The following FBL variants were observed in gnomAD, a reference collection of about 807,000 sequenced individuals.
FBL encodes fibrillarin rRNA 2'-O-methyltransferase.
In FBL, 10 loss-of-function variants were observed where a neutral mutation model predicts 42.2. That is an observed-to-expected ratio of 0.24 (90% CI 0.15 to 0.40). FBL has a LOEUF of 0.40. Among genes scored for constraint, FBL ranks in the 10% least tolerant of loss-of-function variants. FBL has a pLI of 1.00. For synonymous variants in FBL, 165 were observed against 165.4 expected (o/e 1.00, Z 0.02); for missense variants, 351 against 439.2 (o/e 0.80, Z 1.79).
chr19:39,840,650 C>G lies in FBL; in HGVS notation c.148G>C (p.Gly50Arg). 1 of 1,611,912 alleles carries G rather than the reference C, an allele frequency of 6.2e-7. No individual in the cohort carries two copies. ...CCTCCTCCTCCACCGCCGCCGCCGC[C>G]TCCACCTCCTCCTCGTCCACGACCT... is the stretch of plus-strand genomic sequence containing the variant. ...FRGRGRGGGG[G>R]GGGGGGGGRG... is the part of the protein sequence containing the mutation. Residue 50 changes from glycine to arginine, a missense_variant, in exon 2 of 9, where the codon GGC becomes CGC. Physicochemically the swap from Gly to Arg is moderately radical, Grantham distance 125. Coordinates refer to ENST00000221801, the MANE Select transcript of FBL (RefSeq NM_001436.4). This position sits in a 1 kb window ranked among gnomAD's most constrained non-coding sequence, Gnocchi z 4.5.
Position 39,834,539 on chromosome 19 carries a change from C to A in FBL, c.965G>T (p.Ter322LeuextTer22). The change falls in exon 9 of 9, where the codon TGA (stop) becomes TTA (leucine). Residue 322 changes from the stop codon to leucine (L), a stop_lost. Transcript: ENST00000221801. ...VYRPPPKVKN[*>L] ...TCGCAATCCTGACAGCGCTGAACTT[C>A]AGTTCTTCACCTTGGGGGGTGGCCT... is the stretch of plus-strand genomic sequence containing the variant. The A allele has an allele frequency of 6.2e-7, 1 of 1,614,166 alleles. No individual in the cohort carries two copies. The highest frequency in any genetic ancestry group is 8.5e-7 in the Non-Finnish European group (1 of 1,180,030).
intron 1 of FBL, among the ~76,000 whole-genome samples, chr19:39,844,086 TAACTA>T (rs1279345552): frequency 6.6e-6 from 1 of 152,178 alleles, no homozygotes; most frequent in African/African-American, 2.4e-5. Context: ...CTCTAGAACA[TAACTA>T]AGAGTTGTTC....
rs960425386 is a variant in FBL, at chr19:39,839,089, G to A, written c.495C>T (p.Tyr165=). The change falls in exon 5 of 9, where the codon TAC becomes TAT. Residue 165 remains tyrosine (Y), a synonymous_variant. Coordinates refer to ENST00000221801, the MANE Select transcript of FBL (RefSeq NM_001436.4). ...CCGTGGTGCCCGAGGCAGCCCCGAGGTAGAGAACCTTAGCCCCCGGTTTGA... is the reference window on the plus strand; with the variant it reads ...CCGTGGTGCCCGAGGCAGCCCCGAGATAGAGAACCTTAGCCCCCGGTTTGA... ...IHIKPGAKVL[Y]LGAASGTTVS... is the part of the protein sequence containing the mutation. The A allele has an allele frequency of 6.2e-7, 1 of 1,614,174 alleles. No individual in the cohort carries two copies. Among genetic ancestry groups the A allele is most frequent in the Non-Finnish European group, 8.5e-7 (1 of 1,180,014 alleles).
Position 39,840,088 on chromosome 19 carries a change from C to T in FBL, c.378+145G>A, listed in dbSNP as rs1276745259. The T allele has an allele frequency of 2.2e-5, 14 of 642,276 alleles. No homozygotes were observed. The highest frequency in any genetic ancestry group is 3.6e-5 in the African/African-American group (2 of 55,004). 39.8% of individuals were successfully genotyped at this position (642,276 alleles called of 1,614,324 possible). ...GAAGGCCGTGGGGAGTCACAGAAGG[C>T]GGATGAGGGAGCAGACAGTGTGGTT... On this transcript the variant is annotated intron_variant, in intron 4 of 8. Transcript: ENST00000221801. This position sits in a 1 kb window ranked among gnomAD's most constrained non-coding sequence, Gnocchi z 4.5.
chr19:39,839,908 C>A (rs1425807021), intron 4 of FBL, among the ~76,000 whole-genome samples: 1 of 152,024 alleles, frequency 6.6e-6, no homozygotes, highest in Non-Finnish European at 1.5e-5. Flanking sequence ...AGGACGCAGC[C>A]TCCCACAGAG....
Position 39,840,775 on chromosome 19 carries a change from C to T in FBL, c.23G>A (p.Arg8His), listed in dbSNP as rs752451163. Residue 8 changes from arginine to histidine, a missense_variant, in exon 2 of 9, where the codon CGT becomes CAT. By Grantham distance (29) the Arg-to-His change is conservative. Coordinates refer to ENST00000221801, the MANE Select transcript of FBL (RefSeq NM_001436.4). This position sits in a 1 kb window ranked among gnomAD's most constrained non-coding sequence, Gnocchi z 4.5. The part of the protein sequence containing the change: MKPGFSP[R>H]GGGFGGRGGF... ...CCCTCGGCCGCCAAAGCCACCCCCA[C>T]GGGGACTGAATCCTGTGGGGGAAAC... The T allele has an allele frequency of 6.0e-5, 94 of 1,558,614 alleles. No homozygotes were observed. Among genetic ancestry groups the T allele is most frequent in the Middle Eastern group, 1.7e-4 (1 of 5,934 alleles).
At chr19:39,834,600 G>C in intron 8 of FBL, 38 bp from the exon 9 acceptor site, 8 of 1,614,142 alleles carry the variant, frequency 5.0e-6, no homozygotes, top group Non-Finnish European at 6.8e-6. Flanking sequence ...AGGGTCCCCA[G>C]GATCATGGCA....
chr19:39,840,487 C>G lies in FBL; in HGVS notation c.210G>C (p.Arg70=). 1 of 1,614,156 alleles carries G rather than the reference C, an allele frequency of 6.2e-7. No homozygotes were observed. The highest frequency in any genetic ancestry group is 2.2e-5 in the East Asian group (1 of 44,886). The change falls in exon 3 of 9, where the codon CGG becomes CGC. Residue 70 remains arginine (R), a synonymous_variant. Coordinates refer to ENST00000221801, the MANE Select transcript of FBL (RefSeq NM_001436.4). The surrounding 1 kb of genome is among the most constrained non-coding windows in gnomAD (Gnocchi z 4.5). ...GGGGFHSGGN[R]GRGRGGKRGN... Reference sequence around the variant, plus strand: ...CTCTTTTTCCTCCCCGACCACGACCCCGGTTGCCACCAGAATGGAAGCCTC... The same window carrying G: ...CTCTTTTTCCTCCCCGACCACGACCGCGGTTGCCACCAGAATGGAAGCCTC...
intron 7 of FBL, among the ~76,000 whole-genome samples, chr19:39,835,356 TA>T (rs1278776488): frequency 6.6e-6 from 1 of 151,878 alleles, no homozygotes; most frequent in Non-Finnish European, 1.5e-5. Flanking sequence ...CTATCTCTAC[TA>T]AAAATACAAA....
chr19:39,845,653 C>G (rs1385488830), intron 1 of FBL, among the ~76,000 whole-genome samples: 1 of 152,196 alleles, frequency 6.6e-6, no homozygotes, highest in East Asian at 1.9e-4. Context: ...CTTGTTAAGT[C>G]TCGTCCCGGA....
intron 7 of FBL, 93 bp downstream of exon 7, chr19:39,836,463 C>G (rs73930654): frequency 1.3e-6 from 1 of 780,452 alleles, no homozygotes. Context: ...GACTTGGCCC[C>G]TCTGTTTTGG....
At chr19:39,834,844 C>G in intron 7 of FBL, 31 bp from the exon 8 acceptor site, 1 of 1,613,224 alleles carries the variant, frequency 6.2e-7, no homozygotes, top group Non-Finnish European at 8.5e-7. Context: ...ATGTCTACAA[C>G]AGGGCTTTGG....
At chr19:39,835,467 C>T (rs1020955020) in intron 7 of FBL, among the ~76,000 whole-genome samples, 6 of 150,734 alleles carry the variant, frequency 4.0e-5, no homozygotes, top group South Asian at 2.1e-4. Context: ...TGCAGTGAGC[C>T]GAGATCGTAC....
At position 39,840,854 on chromosome 19, in the gene FBL, C is replaced by T. The variant is rs910066830; in HGVS notation, c.11-67G>A. On this transcript the variant is annotated intron_variant, in intron 1 of 8. Coordinates refer to ENST00000221801, the MANE Select transcript of FBL (RefSeq NM_001436.4). This position sits in a 1 kb window ranked among gnomAD's most constrained non-coding sequence, Gnocchi z 4.5. ...AAAGGTTAAACCACCTTGTACCCAG[C>T]AATACCTCTCAGGTGAGAAACCTGA... 1 of 1,405,412 alleles carries T rather than the reference C, an allele frequency of 7.1e-7. No individual in the cohort carries two copies. The highest frequency in any genetic ancestry group is 9.5e-7 in the Non-Finnish European group (1 of 1,055,482). The allele number at this position is 1,405,412 out of a possible 1,614,324, so 87.1% of individuals were successfully genotyped here.
At position 39,840,200 on chromosome 19, in the gene FBL, C is replaced by T. The variant is rs1258871451; in HGVS notation, c.378+33G>A. 6.6e-7 allele frequency: 1 copy of T among 1,512,034 alleles called. No homozygotes were observed. The allele number at this position is 1,512,034 out of a possible 1,614,324, so 93.7% of individuals were successfully genotyped here. A position where few individuals can be genotyped will look rare whatever the true frequency, so the allele number is the denominator to read the frequency against. ...CTACTGGCTACACCCTCAGCTGCGA[C>T]CCTGGTGGCTTGGACAGGGGCCCAG... On this transcript the variant is annotated intron_variant, in intron 4 of 8. Coordinates refer to ENST00000221801, the MANE Select transcript of FBL (RefSeq NM_001436.4). This position sits in a 1 kb window ranked among gnomAD's most constrained non-coding sequence, Gnocchi z 4.5.
At position 39,840,636 on chromosome 19, in the gene FBL, A is replaced by C. The variant is rs781179020; in HGVS notation, c.162T>G (p.Gly54=). 2 of 1,609,482 alleles carry C rather than the reference A, an allele frequency of 1.2e-6. No homozygotes were observed. Among genetic ancestry groups the C allele is most frequent in the African/African-American group, 1.3e-5 (1 of 74,326 alleles). Residue 54 remains glycine (G), a synonymous_variant, in exon 2 of 9, where the codon GGT becomes GGG. Coordinates refer to ENST00000221801, the MANE Select transcript of FBL (RefSeq NM_001436.4). This position sits in a 1 kb window ranked among gnomAD's most constrained non-coding sequence, Gnocchi z 4.5. The part of the protein sequence containing the change: ...GRGGGGGGGG[G]GGGGRGGGGF... ...TCTTACCACCTCTTCCTCCTCCTCC[A>C]CCGCCGCCGCCGCCTCCACCTCCTC...
intron 1 of FBL, among the ~76,000 whole-genome samples, chr19:39,841,134 C>T (rs1969157538): frequency 6.6e-6 from 1 of 152,070 alleles, no homozygotes. Flanking sequence ...AGCAATGGCA[C>T]AATCACAGCT....
chr19:39,843,353 G>A (rs1258420513), intron 1 of FBL, among the ~76,000 whole-genome samples: 3 of 152,188 alleles, frequency 2.0e-5, no homozygotes, highest in Non-Finnish European at 4.4e-5. Context: ...GGTGACCAGG[G>A]AAGTGCCGGT....
chr19:39,836,552 G>A lies in FBL; in HGVS notation c.795+4C>T, dbSNP rs201670757. On this transcript the variant is annotated splice_donor_region_variant and intron_variant, in intron 7 of 8. Coordinates refer to ENST00000221801, the MANE Select transcript of FBL (RefSeq NM_001436.4). ...CCCATCTTAGACTCTTCCAAACCCC[G>A]CACCTTAATGGAAATCACAAAGTGT... The A allele has an allele frequency of 7.3e-5, 117 of 1,596,830 alleles. No individual in the cohort carries two copies. The highest frequency in any genetic ancestry group is 6.0e-4 in the African/African-American group (45 of 74,600).
Sources: allele counts gnomAD v4.1 joint callset (sites outside exome capture counted in the v4.1 genomes callset), GRCh38; gene constraint gnomAD v4.1.1; non-coding constraint Gnocchi (gnomAD v3.1); transcripts MANE v1.5; gene names NCBI Gene and HGNC (gene_info 2026-07-23, HGNC 2026-07-21).